Variants in DSC3 observed in about 807,000 individuals in gnomAD.
DSC3 encodes the protein desmocollin-3.
In DSC3, 97 loss-of-function variants were observed where a neutral mutation model predicts 89.5. The ratio of observed to expected loss-of-function variants is 1.08; its 90% CI spans 0.92 to 1.28. The LOEUF (loss-of-function observed/expected upper bound fraction) is 1.28, where lower values mean the gene tolerates loss of function less well. DSC3 is among the 50% of genes most tolerant of loss of function. DSC3 has a pLI of 0.00. For missense variants in DSC3, 1,199 were observed against 1,085.3 expected (o/e 1.10, Z -1.47); for synonymous variants, 436 against 384.1 (o/e 1.14, Z -1.58).
intron 8 of DSC3, 78 bp downstream of exon 8, chr18:31,018,588 T>C: frequency 7.0e-7 from 1 of 1,420,174 alleles, no homozygotes; most frequent in Non-Finnish European, 9.9e-7. Context: ...CTTCATGAAG[T>C]ATTAATTTTA....
chr18:31,039,980 C>T (rs1372116475), intron 1 of DSC3, among the ~76,000 whole-genome samples: 4 of 152,070 alleles, frequency 2.6e-5, no homozygotes, highest in Non-Finnish European at 5.9e-5. Flanking sequence ...ACTATACTCC[C>T]TTTTAATTTA....
chr18:31,029,733 G>A, intron 3 of DSC3, 105 bp from the exon 4 acceptor site: 5 of 1,449,204 alleles, frequency 3.5e-6, no homozygotes, highest in Non-Finnish European at 3.8e-6. Context: ...TGGAGTTTCA[G>A]TGTCAGGCAT....
intron 11 of DSC3, 47 bp from the exon 12 acceptor site, chr18:31,007,178 T>C (rs761958802): frequency 2.1e-6 from 3 of 1,439,978 alleles, no homozygotes; most frequent in South Asian, 1.2e-5. Context: ...AATTCTTTCA[T>C]AGTTTCTTAA....
Position 30,993,336 on chromosome 18 carries a change from A to G in DSC3, c.*839T>C, listed in dbSNP as rs1470037966. 1 of 152,208 alleles carries G rather than the reference A, an allele frequency of 6.6e-6. No individual in the cohort carries two copies. The highest frequency in any genetic ancestry group is 2.4e-5 in the African/African-American group (1 of 41,450). The allele number at this position is 152,208 out of a possible 1,614,324, so 9.4% of individuals were successfully genotyped here. A position where few individuals can be genotyped will look rare whatever the true frequency, so the allele number is the denominator to read the frequency against. On this transcript the variant is annotated 3_prime_UTR_variant, in exon 16 of 16. Transcript: ENST00000360428. ...GACTGCAAAGCAAAGCTACTGTTCC[A>G]TTGGATTCCCTATTTCCTTCCCACA...
intron 6 of DSC3, among the ~76,000 whole-genome samples, chr18:31,023,602 A>C (rs1212972932): frequency 6.6e-6 from 1 of 152,182 alleles, no homozygotes; most frequent in African/African-American, 2.4e-5. Flanking sequence ...AGCAGATATA[A>C]TATTGCAGTG....
chr18:31,007,040 G>A lies in DSC3; in HGVS notation c.1755C>T (p.Cys585=), dbSNP rs1416862622. The change falls in exon 12 of 16, where the codon TGC becomes TGT. Residue 585 remains cysteine, a synonymous_variant. Transcript: ENST00000360428. ...TGTCGGTATACCCCATTTTTGGTTT[G>A]CAAATGACTACATATTCTTGAAGTA... is the stretch of plus-strand genomic sequence containing the variant. ...PEILQEYVVI[C]KPKMGYTDIL... is the part of the protein sequence containing the mutation. 1.2e-5 allele frequency: 19 copies of A among 1,613,892 alleles called. No individual in the cohort carries two copies. The highest frequency in any genetic ancestry group is 1.6e-5 in the Non-Finnish European group (19 of 1,179,894).
chr18:31,030,617 C>G (rs1308198475), intron 3 of DSC3, among the ~76,000 whole-genome samples: 1 of 151,092 alleles, frequency 6.6e-6, no homozygotes, highest in African/African-American at 2.4e-5. Flanking sequence ...TAAAGTAAAA[C>G]CAAAACCAGA....
In DSC3 at chr18:31,006,835, T is replaced by G. The variant is rs1165646929; in HGVS notation, c.1888+72A>C. The stretch of plus-strand genomic sequence containing the variant: ...AGTTTTACTTCATGCTTTGTGTAAG[T>G]AAGCAAGTCAATCTATCCTCCAGTT... On this transcript the variant is annotated intron_variant, in intron 12 of 15. Coordinates refer to ENST00000360428, the MANE Select transcript of DSC3 (RefSeq NM_001941.5). 4.1e-6 allele frequency: 5 copies of G among 1,222,032 alleles called. No homozygotes were observed. The African/African-American group carries it at 7.6e-5, about 19-fold the overall frequency. 75.7% of individuals were successfully genotyped at this position (1,222,032 alleles called of 1,614,324 possible). A position where few individuals can be genotyped will look rare whatever the true frequency, so the allele number is the denominator to read the frequency against.
At chr18:31,029,363 T>TTTTC in intron 4 of DSC3, 146 bp downstream of exon 4, 1 of 1,017,252 alleles carries the variant, frequency 9.8e-7, no homozygotes, top group Non-Finnish European at 1.4e-6. Context: ...TTTTTAGTAA[T>TTTTC]TTTCTTTCTC....
At chr18:31,017,969 T>G in intron 9 of DSC3, 102 bp downstream of exon 9, 1 of 986,966 alleles carries the variant, frequency 1.0e-6, no homozygotes, top group South Asian at 1.6e-5. Context: ...TAAATTTTCT[T>G]CCAACTTGTA....
intron 12 of DSC3, among the ~76,000 whole-genome samples, chr18:31,006,680 T>C (rs1984854810): frequency 6.6e-6 from 1 of 152,196 alleles, no homozygotes; most frequent in Non-Finnish European, 1.5e-5. Flanking sequence ...TTAACAAAGC[T>C]TTCCTTTGTT....
chr18:31,029,451 T>G (rs1985705992), intron 4 of DSC3, 58 bp downstream of exon 4: 1 of 1,600,318 alleles, frequency 6.2e-7, no homozygotes, highest in Non-Finnish European at 8.6e-7. Context: ...GTATTAAATC[T>G]CAATGAAACA....
intron 9 of DSC3, among the ~76,000 whole-genome samples, chr18:31,014,744 T>C (rs970923043): frequency 1.3e-5 from 2 of 152,140 alleles, no homozygotes; most frequent in African/African-American, 2.4e-5. Context: ...ATGTAATATA[T>C]TCTGTGACAT....
chr18:31,025,981 C>T (rs1985587379), intron 4 of DSC3, 66 bp from the exon 5 acceptor site: 2 of 1,364,658 alleles, frequency 1.5e-6, no homozygotes, highest in Admixed American at 3.8e-5. Context: ...TTTTTAAATG[C>T]AGCTGATGTA....
chr18:31,041,653 G>C (rs41465650), intron 1 of DSC3, among the ~76,000 whole-genome samples: 20,153 of 152,222 alleles, frequency 0.13, 1,471 homozygotes, highest in Admixed American at 0.18. Flanking sequence ...ATGAAACTCT[G>C]TTGAAGCCTG....
Position 30,989,556 on chromosome 18 carries a change from TAA to T in DSC3, c.*4617_*4618del, listed in dbSNP as rs910938545. ...CAGTTTCACAACATTTTAAATGTAC[TAA>T]AGTCACTGAATTATACACTTTAAAA... On this transcript the variant is annotated 3_prime_UTR_variant, in exon 16 of 16. Transcript: ENST00000360428. 3.2e-4 allele frequency among the ~76,000 whole-genome samples: 48 copies of T among 152,300 alleles called. No homozygotes were observed. The highest frequency in any genetic ancestry group is 6.2e-4 in the South Asian group (3 of 4,830).
At chr18:31,018,359 T>C (rs1985305103) in intron 8 of DSC3, 103 bp from the exon 9 acceptor site, 5 of 873,374 alleles carry the variant, frequency 5.7e-6, no homozygotes, top group Non-Finnish European at 8.6e-6. Context: ...TAATTTTATA[T>C]AGATTATTTT....
chr18:31,037,027 G>C (rs149049929), intron 1 of DSC3, among the ~76,000 whole-genome samples: 1 of 151,886 alleles, frequency 6.6e-6, no homozygotes, highest in Non-Finnish European at 1.5e-5. Context: ...TCCTGACCTC[G>C]TGATCTGTCT....
Position 30,996,948 on chromosome 18 carries a change from A to G in DSC3, c.2336T>C (p.Ile779Thr), listed in dbSNP as rs752613712. 9 of 1,613,936 alleles carry G rather than the reference A, an allele frequency of 5.6e-6. No individual in the cohort carries two copies. The Admixed American group carries it at 1.0e-4, about 18-fold the overall frequency. The change falls in exon 15 of 16, where the codon ATT becomes ACT. Residue 779 changes from isoleucine to threonine, a missense_variant. By Grantham distance (89) the Ile-to-Thr change is moderately conservative. Coordinates refer to ENST00000360428, the MANE Select transcript of DSC3 (RefSeq NM_001941.5). ...SGMKNGGQET[I>T]EMMKGGNQTL... is the part of the protein sequence containing the mutation. ...CTGGTTTCCTCCTTTCATCATTTCA[A>G]TGGTTTCCTGCCCTCCATTTTTCAT...
Sources: allele counts gnomAD v4.1 joint callset (sites outside exome capture counted in the v4.1 genomes callset), GRCh38; gene constraint gnomAD v4.1.1; transcripts MANE v1.5; gene names NCBI Gene and HGNC (gene_info 2026-07-23, HGNC 2026-07-21).